SATL1: variants seen among roughly 807,000 people sequenced by gnomAD.
SATL1 encodes the protein spermidine/spermine N(1)-acetyltransferase-like protein 1.
Under a neutral mutation model 51.8 loss-of-function variants are expected in SATL1, and 47 were observed. The ratio of observed to expected loss-of-function variants is 0.91; its 90% CI spans 0.72 to 1.16. SATL1 has a LOEUF of 1.16. Ranked by LOEUF, SATL1 falls within the 50% of genes most tolerant of loss-of-function variation. SATL1 has a pLI of 0.00. For synonymous variants in SATL1, 176 were observed against 182.4 expected (o/e 0.97, Z 0.28); for missense variants, 520 against 526.4 (o/e 0.99, Z 0.12).
At chrX:85,112,514 C>T (rs1925283837) in intron 2 of SATL1, among the ~76,000 whole-genome samples, 2 of 111,587 alleles carry the variant, frequency 1.8e-5, no homozygotes, top group African/African-American at 6.5e-5. Context: ...CAATTCTTCC[C>T]TTGGGCGGGG....
chrX:85,196,575 G>A (rs781312227), intron 2 of SATL1, among the ~76,000 whole-genome samples: 79 of 111,844 alleles, frequency 7.1e-4, no homozygotes, highest in Non-Finnish European at 1.1e-3. Flanking sequence ...TTAAGACAGC[G>A]AAGTACTTCA....
chrX:85,129,796 CTCT>C (rs1925732696), intron 2 of SATL1, among the ~76,000 whole-genome samples: 1 of 111,373 alleles, frequency 9.0e-6, no homozygotes, highest in Admixed American at 9.6e-5. Context: ...GCATAAATAG[CTCT>C]TATTATTTTG....
At chrX:85,116,705 A>G (rs1339255215) in intron 2 of SATL1, among the ~76,000 whole-genome samples, 1 of 110,935 alleles carries the variant, frequency 9.0e-6, no homozygotes, top group African/African-American at 3.3e-5. Flanking sequence ...CCATCACCTG[A>G]TGGTCGCCTG....
Position 85,109,114 on chromosome X carries a change from T to C in SATL1, c.-146A>G. 1.9e-6 allele frequency: 1 copy of C among 530,129 alleles called. No homozygotes were observed. The highest frequency in any genetic ancestry group is 3.0e-6 in the Non-Finnish European group (1 of 332,116). 43.7% of individuals were successfully genotyped at this position (530,129 alleles called of 1,213,427 possible). A position where few individuals can be genotyped will look rare whatever the true frequency, so the allele number is the denominator to read the frequency against. Reference sequence around the variant, plus strand: ...GGTTGTTGGCTGTTCCCAGTTCTTCTCAATTTGATTCGCCCACTTTGAGAT... The same window carrying C: ...GGTTGTTGGCTGTTCCCAGTTCTTCCCAATTTGATTCGCCCACTTTGAGAT... On this transcript the variant is annotated 5_prime_UTR_variant, in exon 3 of 8. Transcript: ENST00000644105.
intron 1 of SATL1, among the ~76,000 whole-genome samples, chrX:85,232,067 C>T (rs1174154882): frequency 9.3e-6 from 1 of 107,087 alleles, no homozygotes; most frequent in African/African-American, 3.4e-5. Flanking sequence ...GTAAAGAAGA[C>T]GTTGTCTTGC....
intron 1 of SATL1, among the ~76,000 whole-genome samples, chrX:85,235,005 C>T (rs1282731735): frequency 9.1e-6 from 1 of 110,474 alleles, no homozygotes; most frequent in Non-Finnish European, 1.9e-5. Context: ...CACACATAGA[C>T]TGAAAATAAA....
intron 3 of SATL1, among the ~76,000 whole-genome samples, chrX:85,104,186 G>T (rs888563604): frequency 9.0e-6 from 1 of 111,455 alleles, no homozygotes; most frequent in African/African-American, 3.3e-5. Flanking sequence ...CTTGAATGCA[G>T]CCAGAAACTG....
intron 2 of SATL1, chrX:85,210,509 A>T (rs1406336245): frequency 9.1e-6 from 1 of 110,037 alleles, no homozygotes; most frequent in African/African-American, 3.3e-5. Flanking sequence ...TGCTGAAGCT[A>T]AAGAGTCTGT....
chrX:85,218,365 C>A (rs1192419559), intron 2 of SATL1, among the ~76,000 whole-genome samples: 1 of 111,441 alleles, frequency 9.0e-6, no homozygotes, highest in East Asian at 2.8e-4. Context: ...TTTAAAATGA[C>A]ATTTTTAAAT....
At chrX:85,215,060 G>A (rs1046449982) in intron 2 of SATL1, among the ~76,000 whole-genome samples, 1 of 111,998 alleles carries the variant, frequency 8.9e-6, no homozygotes, top group Admixed American at 9.5e-5. Flanking sequence ...GTAGGCACCA[G>A]TTGTGGGGAC....
chrX:85,152,989 A>T (rs1329632237), intron 2 of SATL1, among the ~76,000 whole-genome samples: 2 of 110,012 alleles, frequency 1.8e-5, no homozygotes, highest in African/African-American at 6.6e-5. Context: ...ATAAAAATAA[A>T]ATAAAAATTA....
intron 2 of SATL1, among the ~76,000 whole-genome samples, chrX:85,197,908 C>G (rs1290649881): frequency 9.1e-6 from 1 of 109,910 alleles, no homozygotes; most frequent in East Asian, 2.8e-4. Flanking sequence ...TGTTGGACAC[C>G]AAATACTAGA....
At chrX:85,128,559 A>G (rs1250245189) in intron 2 of SATL1, among the ~76,000 whole-genome samples, 2 of 112,108 alleles carry the variant, frequency 1.8e-5, no homozygotes, top group African/African-American at 3.2e-5. Context: ...CCTTTGTCAG[A>G]TGAGTAGATT....
chrX:85,159,392 G>C (rs756679574), intron 2 of SATL1, among the ~76,000 whole-genome samples: 2 of 111,279 alleles, frequency 1.8e-5, no homozygotes, highest in Non-Finnish European at 3.8e-5. Context: ...ATTCTCATAG[G>C]CATGCAAACC....
At chrX:85,128,167 T>C (rs1175195719) in intron 2 of SATL1, among the ~76,000 whole-genome samples, 1 of 111,663 alleles carries the variant, frequency 9.0e-6, no homozygotes, top group Non-Finnish European at 1.9e-5. Flanking sequence ...TACCCAGTAA[T>C]GGGATAGCTG....
intron 2 of SATL1, among the ~76,000 whole-genome samples, chrX:85,215,515 C>T (rs1438778739): frequency 2.7e-5 from 3 of 111,874 alleles, no homozygotes; most frequent in African/African-American, 9.8e-5. Flanking sequence ...TAGGTCATCC[C>T]TTTACTCCCA....
At chrX:85,166,935 A>ATGTATGTG (rs1555959511) in intron 2 of SATL1, among the ~76,000 whole-genome samples, 1 of 84,734 alleles carries the variant, frequency 1.2e-5, no homozygotes, top group African/African-American at 5.0e-5. Flanking sequence ...ATATATATAT[A>ATGTATGTG]TGTGTATGTG....
At chrX:85,159,769 A>G (rs1926674743) in intron 2 of SATL1, among the ~76,000 whole-genome samples, 1 of 111,098 alleles carries the variant, frequency 9.0e-6, no homozygotes, top group Admixed American at 9.5e-5. Context: ...GCCTCTGTGA[A>G]TGCCCACATG....
At chrX:85,220,463 C>T (rs945057154) in intron 2 of SATL1, among the ~76,000 whole-genome samples, 3 of 106,859 alleles carry the variant, frequency 2.8e-5, no homozygotes, top group East Asian at 6.0e-4. Context: ...CTAAACTCTC[C>T]GCTGTACAGC....
Sources: gnomAD v4.1 joint callset for allele counts (sites outside exome capture counted in the v4.1 genomes callset) on GRCh38, gnomAD v4.1.1 for gene constraint, MANE v1.5 for transcripts, NCBI Gene and HGNC (gene_info 2026-07-23, HGNC 2026-07-21) for gene names.